The following FRS2 variants were observed in gnomAD, a reference collection of about 807,000 sequenced individuals.
FRS2 encodes the protein fibroblast growth factor receptor substrate 2.
Under a neutral mutation model 43.9 loss-of-function variants are expected in FRS2, and 8 were observed. The ratio of observed to expected loss-of-function variants is 0.18; its 90% confidence interval spans 0.11 to 0.33. The LOEUF is 0.33. Among genes scored for constraint, FRS2 ranks in the 10% least tolerant of loss-of-function variants. The pLI, the probability that FRS2 is intolerant of heterozygous loss-of-function variation, is 1.00. For synonymous variants in FRS2, 219 were observed against 220.3 expected (o/e 0.99, Z 0.05); for missense variants, 534 against 627.6 (o/e 0.85, Z 1.59).
chr12:69,560,326 TG>T (rs1214274747), intron 3 of FRS2, among the ~76,000 whole-genome samples: 1 of 152,192 alleles, frequency 6.6e-6, no homozygotes, highest in Non-Finnish European at 1.5e-5. Context: ...CTCTGTGAAG[TG>T]GGTGTCCTAA....
chr12:69,522,286 TAAG>T (rs1489262704), intron 1 of FRS2, among the ~76,000 whole-genome samples: 1 of 150,820 alleles, frequency 6.6e-6, no homozygotes, highest in Non-Finnish European at 1.5e-5. Context: ...TAGAATGAGT[TAAG>T]GAGGAGTCCC....
At chr12:69,472,190 A>G (rs919148345) in intron 1 of FRS2, among the ~76,000 whole-genome samples, 1 of 151,662 alleles carries the variant, frequency 6.6e-6, no homozygotes, top group Non-Finnish European at 1.5e-5. Flanking sequence ...GGACTCAAGC[A>G]GTCCTTCTGT....
intron 3 of FRS2, among the ~76,000 whole-genome samples, chr12:69,545,770 A>C (rs560879956): frequency 3.3e-5 from 5 of 150,952 alleles, no homozygotes; most frequent in South Asian, 4.2e-4. Flanking sequence ...AAAAAAAAAA[A>C]AAAAAAAACA....
intron 1 of FRS2, among the ~76,000 whole-genome samples, chr12:69,480,528 C>T (rs1365539890): frequency 2.0e-5 from 3 of 152,258 alleles, no homozygotes; most frequent in South Asian, 2.1e-4. Flanking sequence ...TTCATAGCGG[C>T]GATCATAGCA....
intron 1 of FRS2, among the ~76,000 whole-genome samples, chr12:69,524,880 C>T (rs1185875586): frequency 2.6e-5 from 4 of 152,154 alleles, no homozygotes; most frequent in Non-Finnish European, 5.9e-5. Flanking sequence ...GCAGGTTGCT[C>T]CTTGCCTGTT....
intron 1 of FRS2, among the ~76,000 whole-genome samples, chr12:69,491,282 G>A (rs890623201): frequency 1.3e-5 from 2 of 151,946 alleles, no homozygotes; most frequent in Non-Finnish European, 1.5e-5. Context: ...TTTTTATAAA[G>A]ACGAGGTTTT....
chr12:69,504,190 C>T (rs969313263), intron 1 of FRS2, among the ~76,000 whole-genome samples: 2 of 152,056 alleles, frequency 1.3e-5, no homozygotes, highest in Non-Finnish European at 2.9e-5. Context: ...ATAGATACAG[C>T]CTGGTAATTA....
chr12:69,495,706 A>G (rs965522273), intron 1 of FRS2, among the ~76,000 whole-genome samples: 2 of 152,204 alleles, frequency 1.3e-5, no homozygotes, highest in Non-Finnish European at 2.9e-5. Context: ...TGGGCAACAT[A>G]GCAAGACACT....
intron 3 of FRS2, among the ~76,000 whole-genome samples, chr12:69,542,821 A>G (rs549407299): frequency 3.9e-5 from 6 of 152,330 alleles, no homozygotes; most frequent in Non-Finnish European, 8.8e-5. Context: ...AATCCAATAT[A>G]AACAGTTGTT....
At chr12:69,502,635 G>A (rs1267121580) in intron 1 of FRS2, among the ~76,000 whole-genome samples, 1 of 152,170 alleles carries the variant, frequency 6.6e-6, no homozygotes, top group Non-Finnish European at 1.5e-5. Flanking sequence ...GAGAACAGGA[G>A]ACATAATCTC....
At chr12:69,536,014 C>T (rs1369888523) in intron 3 of FRS2, among the ~76,000 whole-genome samples, 1 of 147,858 alleles carries the variant, frequency 6.8e-6, no homozygotes, top group African/African-American at 2.5e-5. Context: ...TTTAGCCTTA[C>T]AGTTTTTTTT....
intron 1 of FRS2, among the ~76,000 whole-genome samples, chr12:69,487,247 G>A (rs1456337643): frequency 1.3e-5 from 2 of 152,182 alleles, no homozygotes; most frequent in Non-Finnish European, 2.9e-5. Context: ...GCAAGATGCT[G>A]TCTAGGACTT....
chr12:69,508,844 C>G lies in FRS2; in HGVS notation c.-260-22021C>G, dbSNP rs113765979. Among the ~76,000 whole-genome samples the G allele has an allele frequency of 6.5e-3, 983 of 152,284 alleles. 11 individuals carry two copies. The highest frequency in any genetic ancestry group is 9.8e-3 in the Non-Finnish European group (668 of 68,014). On this transcript the variant is annotated intron_variant, in intron 1 of 8. Coordinates refer to ENST00000549921, the MANE Select transcript of FRS2 (RefSeq NM_001278356.2). The stretch of plus-strand genomic sequence containing the variant: ...TCTAAGAAGGATGAAGATTAGTTAT[C>G]TTAATCTCTCTACTGCCCACAGGCT...
intron 1 of FRS2, among the ~76,000 whole-genome samples, chr12:69,474,247 TG>T (rs1870566194): frequency 1.3e-5 from 2 of 152,156 alleles, no homozygotes; most frequent in Non-Finnish European, 2.9e-5. Flanking sequence ...TTGACTTTTT[TG>T]TATACTTGCC....
chr12:69,543,538 A>G (rs1289168803), intron 3 of FRS2, among the ~76,000 whole-genome samples: 1 of 152,224 alleles, frequency 6.6e-6, no homozygotes, highest in Non-Finnish European at 1.5e-5. Flanking sequence ...GTAGTATGCC[A>G]CTTGGTGGTA....
In FRS2 at chr12:69,483,676, A is replaced by C. The variant is rs11836716; in HGVS notation, c.-261+13146A>C. On this transcript the variant is annotated intron_variant, in intron 1 of 8. Coordinates refer to ENST00000549921, the MANE Select transcript of FRS2 (RefSeq NM_001278356.2). ...ATCATATTTAGTTGTTGCTATCATA[A>C]GAAATGTTGCAAAATATAAAAAAAT... is the stretch of plus-strand genomic sequence containing the variant. Among the ~76,000 whole-genome samples, 537 of 150,978 alleles carry C rather than the reference A, an allele frequency of 3.6e-3. 3 individuals carry two copies. Among genetic ancestry groups the C allele is most frequent in the African/African-American group, 0.013 (517 of 40,306 alleles).
intron 1 of FRS2, among the ~76,000 whole-genome samples, chr12:69,502,076 C>T (rs979695020): frequency 6.6e-6 from 1 of 152,032 alleles, no homozygotes; most frequent in Admixed American, 6.6e-5. Flanking sequence ...AGCAATTCTT[C>T]TGCCTCAGCT....
chr12:69,526,376 G>A (rs529854949), intron 1 of FRS2, among the ~76,000 whole-genome samples: 12 of 152,226 alleles, frequency 7.9e-5, no homozygotes, highest in African/African-American at 2.9e-4. Flanking sequence ...AATACAGTGG[G>A]TATATTACTT....
intron 3 of FRS2, among the ~76,000 whole-genome samples, chr12:69,548,332 A>G (rs942656977): frequency 1.3e-5 from 2 of 152,198 alleles, no homozygotes; most frequent in East Asian, 3.9e-4. Context: ...GAACTTGGAT[A>G]TATTTTGAAG....
Sources: allele counts gnomAD v4.1 joint callset (sites outside exome capture counted in the v4.1 genomes callset), GRCh38; gene constraint gnomAD v4.1.1; transcripts MANE v1.5; gene names NCBI Gene and HGNC (gene_info 2026-07-23, HGNC 2026-07-21).